Variants in SLIT3 observed in about 807,000 individuals in gnomAD.
SLIT3 encodes the protein slit guidance ligand 3.
Under a neutral mutation model 184.0 loss-of-function variants are expected in SLIT3, and 68 were observed. That is an observed-to-expected ratio of 0.37 (90% confidence interval 0.30 to 0.45). The LOEUF is 0.45. Ranked by LOEUF, SLIT3 falls within the 20% of genes least tolerant of loss-of-function variation. The pLI, the probability that SLIT3 is intolerant of heterozygous loss-of-function variation, is 1.00. For synonymous variants in SLIT3, 831 were observed against 828.6 expected (o/e 1.00, Z -0.05); for missense variants, 1,707 against 2,026.0 (o/e 0.84, Z 3.02).
chr5:169,063,027 G>A (rs1261994847), intron 4 of SLIT3, among the ~76,000 whole-genome samples: 3 of 152,178 alleles, frequency 2.0e-5, no homozygotes, highest in Non-Finnish European at 4.4e-5. Context: ...AACTGTTTTC[G>A]AAATGTACCT....
chr5:168,895,136 C>T (rs1760616828), intron 4 of SLIT3, among the ~76,000 whole-genome samples: 1 of 152,184 alleles, frequency 6.6e-6, no homozygotes, highest in Admixed American at 6.5e-5. Context: ...AAGCCACTTC[C>T]TAGTGTCTAC....
chr5:169,182,080 G>A (rs866665072), intron 4 of SLIT3, among the ~76,000 whole-genome samples: 1 of 152,152 alleles, frequency 6.6e-6, no homozygotes, highest in African/African-American at 2.4e-5. Flanking sequence ...CCAACCGTGG[G>A]GAGAGTTTTT....
chr5:168,861,211 C>G (rs1759089394), intron 5 of SLIT3, among the ~76,000 whole-genome samples: 1 of 152,142 alleles, frequency 6.6e-6, no homozygotes, highest in African/African-American at 2.4e-5. Context: ...CACCCATTAA[C>G]TCGTCATTTA....
intron 4 of SLIT3, among the ~76,000 whole-genome samples, chr5:169,137,556 T>C (rs1761566175): frequency 6.6e-6 from 1 of 152,002 alleles, no homozygotes; most frequent in South Asian, 2.1e-4. Flanking sequence ...ACAGGGGTTT[T>C]TCCTGGCTTA....
chr5:169,101,006 C>T (rs1343202609), intron 4 of SLIT3, among the ~76,000 whole-genome samples: 1 of 152,192 alleles, frequency 6.6e-6, no homozygotes, highest in Non-Finnish European at 1.5e-5. Flanking sequence ...CCTCCTTGGG[C>T]TCATCCTGCC....
At chr5:168,967,022 T>C (rs920767593) in intron 4 of SLIT3, among the ~76,000 whole-genome samples, 3 of 152,192 alleles carry the variant, frequency 2.0e-5, no homozygotes, top group African/African-American at 7.2e-5. Context: ...TGGAGCACTT[T>C]GGATGATGGA....
At chr5:169,091,949 C>T (rs928840952) in intron 4 of SLIT3, among the ~76,000 whole-genome samples, 1 of 152,150 alleles carries the variant, frequency 6.6e-6, no homozygotes, top group Non-Finnish European at 1.5e-5. Context: ...AGAGTGGGTG[C>T]GGTGGCTCGT....
chr5:169,164,116 CA>C (rs1447939758), intron 4 of SLIT3, among the ~76,000 whole-genome samples: 2 of 152,172 alleles, frequency 1.3e-5, no homozygotes, highest in African/African-American at 4.8e-5. Flanking sequence ...TTTTCAAAGT[CA>C]GGGGAAAGCA....
chr5:168,875,350 G>A (rs1759693594), intron 5 of SLIT3, among the ~76,000 whole-genome samples: 1 of 151,942 alleles, frequency 6.6e-6, no homozygotes, highest in East Asian at 1.9e-4. Flanking sequence ...GGAGGAAGGT[G>A]GCCGGGCATG....
chr5:168,798,687 G>A (rs566489189), intron 9 of SLIT3, among the ~76,000 whole-genome samples: 15 of 152,150 alleles, frequency 9.9e-5, no homozygotes, highest in African/African-American at 3.1e-4. Flanking sequence ...GCGTGGTTGC[G>A]AACAGTTTGT....
At chr5:169,269,477 G>C (rs949237679) in intron 1 of SLIT3, among the ~76,000 whole-genome samples, 3 of 152,224 alleles carry the variant, frequency 2.0e-5, no homozygotes, top group Non-Finnish European at 4.4e-5. Flanking sequence ...CACTCACCAG[G>C]CTCATTCCAA....
intron 20 of SLIT3, among the ~76,000 whole-genome samples, chr5:168,735,080 G>A (rs66672128): frequency 0.13 from 20,167 of 152,182 alleles, 1,786 homozygotes; most frequent in Non-Finnish European, 0.19. Context: ...CTCCCAGAGG[G>A]ACCCTTTCAG....
In SLIT3 at chr5:168,724,401, T is replaced by A. The variant is rs773477580; in HGVS notation, c.2339+15A>T. On this transcript the variant is annotated intron_variant, in intron 21 of 35. Coordinates refer to ENST00000519560, the MANE Select transcript of SLIT3 (RefSeq NM_003062.4). ...AGGGAAAAATAAACATCCCACCCAA[T>A]ACTGGGCTCCTTACATAAGCGTCAG... 5.0e-6 allele frequency: 8 copies of A among 1,608,578 alleles called. No individual in the cohort carries two copies. Among genetic ancestry groups the A allele is most frequent in the Non-Finnish European group, 6.8e-6 (8 of 1,176,236 alleles).
intron 8 of SLIT3, among the ~76,000 whole-genome samples, chr5:168,816,690 A>G (rs1757343236): frequency 6.6e-6 from 1 of 152,244 alleles, no homozygotes; most frequent in Non-Finnish European, 1.5e-5. Flanking sequence ...TTGTGAGCCC[A>G]CTAAACTATA....
Position 169,118,754 on chromosome 5 carries a change from G to A in SLIT3, c.413+74725C>T, listed in dbSNP as rs151041720. ...TGTTCATGTAAAAACCTGCCACTCT[G>A]ATAGTGACTTGCTTTAAGAGTAGGG... On this transcript the variant is annotated intron_variant, in intron 4 of 35. Transcript: ENST00000519560. Among the ~76,000 whole-genome samples, 597 of 152,334 alleles carry A rather than the reference G, an allele frequency of 3.9e-3. 4 individuals are homozygous for A. The highest frequency in any genetic ancestry group is 0.014 in the African/African-American group (573 of 41,578).
At position 169,188,412 on chromosome 5, in the gene SLIT3, G is replaced by A. The variant is rs116559630; in HGVS notation, c.413+5067C>T. Reference sequence around the variant, plus strand: ...GAAAAACCTGGAAGAGGATGGCAAAGGGAGAAATTAATAGCCCATAGGCCA... The same window carrying A: ...GAAAAACCTGGAAGAGGATGGCAAAAGGAGAAATTAATAGCCCATAGGCCA... On this transcript the variant is annotated intron_variant, in intron 4 of 35. Coordinates refer to ENST00000519560, the MANE Select transcript of SLIT3 (RefSeq NM_003062.4). Among the ~76,000 whole-genome samples, 1,191 of 152,296 alleles carry A rather than the reference G, an allele frequency of 7.8e-3. 20 individuals carry two copies. Among genetic ancestry groups the A allele is most frequent in the African/African-American group, 0.027 (1,137 of 41,554 alleles).
chr5:168,983,939 C>G (rs1465487779), intron 4 of SLIT3, among the ~76,000 whole-genome samples: 1 of 152,076 alleles, frequency 6.6e-6, no homozygotes, highest in Non-Finnish European at 1.5e-5. Context: ...AATCCCATCA[C>G]TTTGGGAGGC....
At chr5:169,244,581 A>G in intron 3 of SLIT3, 124 bp downstream of exon 3, 1 of 749,152 alleles carries the variant, frequency 1.3e-6, no homozygotes, top group Non-Finnish European at 2.3e-6. Flanking sequence ...CAAACATTCT[A>G]TTTAAACACT....
intron 3 of SLIT3, among the ~76,000 whole-genome samples, chr5:169,214,073 T>C (rs1163077815): frequency 6.6e-6 from 1 of 152,100 alleles, no homozygotes; most frequent in Non-Finnish European, 1.5e-5. Context: ...AACAATTGAC[T>C]AAACTCATCA....
Sources: allele counts gnomAD v4.1 joint callset (sites outside exome capture counted in the v4.1 genomes callset), GRCh38; gene constraint gnomAD v4.1.1; transcripts MANE v1.5; gene names NCBI Gene and HGNC (gene_info 2026-07-23, HGNC 2026-07-21).